Variants in VRK3 observed in about 807,000 individuals in gnomAD.
VRK3 encodes the protein VRK serine/threonine kinase 3.
Under a neutral mutation model 60.4 loss-of-function variants are expected in VRK3, and 50 were observed. The ratio of observed to expected loss-of-function variants is 0.83; its 90% CI spans 0.66 to 1.05. The LOEUF (loss-of-function observed/expected upper bound fraction) is 1.05. VRK3 is among the 50% of genes least tolerant of loss of function. The pLI is 0.00. For synonymous variants in VRK3, 246 were observed against 227.8 expected (o/e 1.08, Z -0.72); for missense variants, 549 against 585.3 (o/e 0.94, Z 0.64).
At chr19:49,979,375 T>G in intron 13 of VRK3, 133 bp from the exon 14 acceptor site, 1 of 1,278,398 alleles carries the variant, frequency 7.8e-7, no homozygotes, top group African/African-American at 1.5e-5. Context: ...GTGCCCATTT[T>G]CTTGTTGCCT....
At chr19:50,001,325 C>A (rs1344598187) in intron 5 of VRK3, 1 of 163,132 alleles carries the variant, frequency 6.1e-6, no homozygotes, top group African/African-American at 2.4e-5. Context: ...GGACAGTTCC[C>A]ATGTACTGTC....
At chr19:49,981,561 A>G (rs1240642972) in intron 12 of VRK3, 2 of 536,212 alleles carry the variant, frequency 3.7e-6, no homozygotes, top group African/African-American at 2.1e-5. Context: ...AAAACAAAAC[A>G]AAACAATACA....
chr19:50,019,817 T>A lies in VRK3; in HGVS notation c.-2+768A>T, dbSNP rs529366588. Among the ~76,000 whole-genome samples, 20 of 148,870 alleles carry A rather than the reference T, an allele frequency of 1.3e-4. No individual in the cohort carries two copies. The East Asian group carries it at 4.1e-3, about 30-fold the overall frequency. ...CTTCCCAAAGTGCTGGGATTACAGG[T>A]GTGGGCCACCATGCCTGGTCTAGAC... On this transcript the variant is annotated intron_variant, in intron 2 of 14. Transcript: ENST00000316763.
chr19:49,993,376 C>G (rs539975617), intron 9 of VRK3, among the ~76,000 whole-genome samples: 5 of 152,254 alleles, frequency 3.3e-5, no homozygotes, highest in African/African-American at 1.2e-4. Flanking sequence ...TCCCTATGAG[C>G]TCCAGACTCT....
chr19:49,988,499 A>G lies in VRK3; in HGVS notation c.1097-7T>C. On this transcript the variant is annotated splice_region_variant and splice_polypyrimidine_tract_variant and intron_variant, in intron 11 of 14. Transcript: ENST00000316763. ...TCGCTGCGGCGGGAGGGCCCTGGGG[A>G]AGGAGGAGTAAAGGTGGCAGCTCAA... The G allele has an allele frequency of 6.2e-7, 1 of 1,611,650 alleles. No homozygotes were observed. Among genetic ancestry groups the G allele is most frequent in the Non-Finnish European group, 8.5e-7 (1 of 1,178,860 alleles).
At chr19:49,997,255 G>A (rs953295683) in intron 7 of VRK3, 1 of 383,066 alleles carries the variant, frequency 2.6e-6, no homozygotes, top group South Asian at 4.2e-5. Flanking sequence ...AAAGTGCTGG[G>A]AGTATAGGCG....
At chr19:50,009,107 C>T in intron 4 of VRK3, 129 bp downstream of exon 4, 12 of 1,128,792 alleles carry the variant, frequency 1.1e-5, no homozygotes, top group Non-Finnish European at 1.5e-5. Context: ...GGGGAAGCTG[C>T]TGGAGTCAGA....
At chr19:50,011,338 C>G (rs1032335667) in intron 3 of VRK3, among the ~76,000 whole-genome samples, 1 of 152,174 alleles carries the variant, frequency 6.6e-6, no homozygotes, top group African/African-American at 2.4e-5. Context: ...GCACACTGAA[C>G]AATAAGGAGT....
rs981484654 is a variant in VRK3, at chr19:49,979,150, G to A, written c.1369C>T (p.Leu457=). 2 of 1,614,042 alleles carry A rather than the reference G, an allele frequency of 1.2e-6. No homozygotes were observed. Among genetic ancestry groups the A allele is most frequent in the Non-Finnish European group, 1.7e-6 (2 of 1,179,934 alleles). ...AMLRNNLEAL[L]QDLRVSPYDP... ...TATGGAGACACACGCAGATCCTGCA[G>A]CAAAGCTTCTAGGTTGTTCCTCAGC... Residue 457 remains leucine (L), a synonymous_variant, in exon 14 of 15, where the codon CTG becomes TTG. Coordinates refer to ENST00000316763, the MANE Select transcript of VRK3 (RefSeq NM_016440.4).
chr19:49,994,040 T>C (rs1214803829), intron 9 of VRK3, among the ~76,000 whole-genome samples: 1 of 152,170 alleles, frequency 6.6e-6, no homozygotes, highest in Non-Finnish European at 1.5e-5. Context: ...CCCCGTGTGA[T>C]GTGGTCACCG....
intron 3 of VRK3, among the ~76,000 whole-genome samples, chr19:50,014,777 G>A (rs1046938377): frequency 1.3e-5 from 2 of 152,124 alleles, no homozygotes; most frequent in Non-Finnish European, 1.5e-5. Context: ...GGGGAAATGG[G>A]GACCTGGTCC....
chr19:50,004,612 C>CA (rs1555849520), intron 5 of VRK3, among the ~76,000 whole-genome samples: 4 of 152,180 alleles, frequency 2.6e-5, no homozygotes, highest in Non-Finnish European at 2.9e-5. Flanking sequence ...GGGTAAGACA[C>CA]AGAGAGTTCC....
intron 9 of VRK3, among the ~76,000 whole-genome samples, chr19:49,993,832 C>A (rs2076654358): frequency 6.6e-6 from 1 of 152,106 alleles, no homozygotes; most frequent in Non-Finnish European, 1.5e-5. Flanking sequence ...ACCCCCGGGG[C>A]CCGGGACCCT....
intron 1 of VRK3, among the ~76,000 whole-genome samples, chr19:50,021,724 C>T (rs116569664): frequency 0.011 from 1,663 of 152,310 alleles, 26 homozygotes; most frequent in African/African-American, 0.038. Context: ...AATTGTGGGA[C>T]GATTTGTTCT....
intron 11 of VRK3, 64 bp downstream of exon 11, chr19:49,989,575 C>T: frequency 1.3e-6 from 2 of 1,549,216 alleles, no homozygotes; most frequent in Non-Finnish European, 8.8e-7. Flanking sequence ...GCTGTGAACT[C>T]CTAGAGCTGC....
intron 5 of VRK3, among the ~76,000 whole-genome samples, chr19:50,004,375 G>C (rs750846123): frequency 1.3e-5 from 2 of 151,262 alleles, no homozygotes; most frequent in Admixed American, 6.6e-5. Context: ...TGTGCTCCTC[G>C]GCCCCTCATT....
chr19:50,022,282 ACG>A (rs2077183600), intron 1 of VRK3, among the ~76,000 whole-genome samples: 1 of 152,120 alleles, frequency 6.6e-6, no homozygotes, highest in South Asian at 2.1e-4. Flanking sequence ...GTGTGGAACC[ACG>A]GCAAGAGAGT....
chr19:50,013,159 T>G (rs1244536341), intron 3 of VRK3, among the ~76,000 whole-genome samples: 1 of 152,108 alleles, frequency 6.6e-6, no homozygotes, highest in Non-Finnish European at 1.5e-5. Flanking sequence ...AGAGCGAGAC[T>G]CCGTCTCAAA....
At chr19:50,014,083 G>A (rs1055401807) in intron 3 of VRK3, among the ~76,000 whole-genome samples, 3 of 151,926 alleles carry the variant, frequency 2.0e-5, no homozygotes, top group African/African-American at 4.8e-5. Context: ...CCTGGCCAAC[G>A]TGGTGAAACC....
Sources: gnomAD v4.1 joint callset for allele counts (sites outside exome capture counted in the v4.1 genomes callset) on GRCh38, gnomAD v4.1.1 for gene constraint, MANE v1.5 for transcripts, NCBI Gene and HGNC (gene_info 2026-07-23, HGNC 2026-07-21) for gene names.